Variants in SOX10 observed in about 807,000 individuals in gnomAD.
SOX10 encodes SRY-box transcription factor 10, also known as transcription factor SOX-10.
SOX10 carries 3 observed loss-of-function variants against 35.0 expected under a neutral mutation model. The observed-to-expected ratio is 0.09, with a 90% CI of 0.04 to 0.22. The LOEUF is 0.22. Ranked by LOEUF, SOX10 falls within the 10% of genes least tolerant of loss-of-function variation. The pLI, the probability that SOX10 is intolerant of heterozygous loss-of-function variation, is 1.00. For synonymous variants in SOX10, 285 were observed against 291.0 expected, an observed-to-expected ratio of 0.98 and a Z score of 0.21; for missense variants, 436 against 655.1, an observed-to-expected ratio of 0.67 and a Z score of 3.65.
intron 3 of SOX10, among the ~76,000 whole-genome samples, chr22:37,976,327 C>G (rs1358962175): frequency 6.6e-6 from 1 of 152,218 alleles, no homozygotes; most frequent in African/African-American, 2.4e-5. Context: ...TCCTGTGTAG[C>G]TGGGACTGCG....
intron 3 of SOX10, among the ~76,000 whole-genome samples, chr22:37,975,101 C>G (rs1298919776): frequency 2.6e-5 from 4 of 152,210 alleles, no homozygotes; most frequent in Non-Finnish European, 1.5e-5. Context: ...GAAAACTGGT[C>G]CTTGTTCCTT....
rs1156578585 is a variant in SOX10 at position 37,983,335 on chromosome 22, C to G, written c.428+22G>C. 25 of 1,595,802 alleles carry G rather than the reference C, an allele frequency of 1.6e-5. No homozygotes were observed. The highest frequency in any genetic ancestry group is 2.0e-5 in the Non-Finnish European group (23 of 1,172,930). ...CACCCGAAGCTAGAGGGCCCGAGCC[C>G]GGGGGGCGGTCGGGTGCTCACCTCC... On this transcript the variant is annotated intron_variant, in intron 2 of 3. Coordinates refer to ENST00000396884, the MANE Select transcript of SOX10 (RefSeq NM_006941.4). This position sits in a 1 kb window ranked among gnomAD's most constrained non-coding sequence, Gnocchi z 9.5.
chr22:37,973,315 C>T lies in SOX10; in HGVS notation c.*180G>A. On this transcript the variant is annotated 3_prime_UTR_variant, in exon 4 of 4. Coordinates refer to ENST00000396884, the MANE Select transcript of SOX10 (RefSeq NM_006941.4). The stretch of plus-strand genomic sequence containing the variant: ...TTCTCCTGGGGCTTTGCTGCTGGAG[C>T]CTGGATGGGGCGGGTGGGTCATCAG... 1.2e-5 allele frequency: 7 copies of T among 573,860 alleles called. No homozygotes were observed. The South Asian group carries it at 1.6e-4, about 14-fold the overall frequency. 35.5% of individuals were successfully genotyped at this position (573,860 alleles called of 1,614,324 possible). A position where few individuals can be genotyped will look rare whatever the true frequency, so the allele number is the denominator to read the frequency against.
In SOX10 at chr22:37,973,964, C is replaced by T. The variant is rs150327222; in HGVS notation, c.932G>A (p.Ser311Asn). Residue 311 changes from serine (S) to asparagine (N), a missense_variant, in exon 4 of 4, where the codon AGC becomes AAC. Around this residue, in one of 3 missense-constraint regions of SOX10, gnomAD observed 285 missense variants for 402.9 expected, o/e 0.71. Transcript: ENST00000396884. ...CCCATAGCCGGCTGCTGAGTAGCTGCTCACATGGCCTGGGTGCCCATTGGG... is the reference window on the plus strand; with the variant it reads ...CCCATAGCCGGCTGCTGAGTAGCTGTTCACATGGCCTGGGTGCCCATTGGG... ...LPPNGHPGHV[S>N]SYSAAGYGLG... 1.2e-5 allele frequency: 19 copies of T among 1,611,792 alleles called. No homozygotes were observed. The African/African-American group carries it at 2.1e-4, about 18-fold the overall frequency.
chr22:37,983,756 A>T lies in SOX10; in HGVS notation c.29T>A (p.Val10Glu). 6.7e-7 allele frequency: 1 copy of T among 1,484,048 alleles called. No individual in the cohort carries two copies. Among genetic ancestry groups the T allele is most frequent in the African/African-American group, 1.5e-5 (1 of 67,726 alleles). 91.9% of individuals were successfully genotyped at this position (1,484,048 alleles called of 1,614,324 possible). A position where few individuals can be genotyped will look rare whatever the true frequency, so the allele number is the denominator to read the frequency against. ...CTCCGAGCCCACGGGGCTCAGCTCC[A>T]CCTCCGATAGGTCCTGCTCCTCCGC... MAEEQDLSE[V>E]ELSPVGSEEP... Residue 10 changes from valine (V) to glutamate (E), a missense_variant, in exon 2 of 4, where the codon GTG becomes GAG. By Grantham distance (121) the Val-to-Glu change is moderately radical. Coordinates refer to ENST00000396884, the MANE Select transcript of SOX10 (RefSeq NM_006941.4). This position sits in a 1 kb window ranked among gnomAD's most constrained non-coding sequence, Gnocchi z 9.5.
At chr22:37,977,033 C>T (rs1202243269) in intron 3 of SOX10, among the ~76,000 whole-genome samples, 1 of 151,602 alleles carries the variant, frequency 6.6e-6, no homozygotes, top group Non-Finnish European at 1.5e-5. Context: ...CCAGACGTGG[C>T]GGTGTGCACC....
At position 37,977,936 on chromosome 22, in the gene SOX10, C is replaced by T. The variant is rs774135262; in HGVS notation, c.628G>A (p.Ala210Thr). The T allele has an allele frequency of 1.4e-5, 22 of 1,612,758 alleles. No homozygotes were observed. The highest frequency in any genetic ancestry group is 3.3e-5 in the South Asian group (3 of 91,060). ...TAAIQAHYKS[A>T]HLDHRHPGEG... ...CCTGGGTGCCGGTGGTCCAAGTGGGCGCTCTTGTAGTGGGCCTGGATGGCG... is the reference window on the plus strand; with the variant it reads ...CCTGGGTGCCGGTGGTCCAAGTGGGTGCTCTTGTAGTGGGCCTGGATGGCG... The change falls in exon 3 of 4, where the codon GCC becomes ACC. Residue 210 changes from alanine (A) to threonine (T), a missense_variant. Transcript: ENST00000396884.
In SOX10 at chr22:37,984,005, C is replaced by A. The variant is rs1365387685; in HGVS notation, c.-84-137G>T. The A allele has an allele frequency of 3.0e-6, 1 of 328,514 alleles. No individual in the cohort carries two copies. Among genetic ancestry groups the A allele is most frequent in the Non-Finnish European group, 5.5e-6 (1 of 180,848 alleles). The allele number at this position is 328,514 out of a possible 1,614,324, so 20.3% of individuals were successfully genotyped here. A position where few individuals can be genotyped will look rare whatever the true frequency, so the allele number is the denominator to read the frequency against. Reference sequence around the variant, plus strand: ...CCATCTGGCCCCTGGGGCCCACGCACATGCCAGACTCTAGGTGGGTGCGTC... The same window carrying A: ...CCATCTGGCCCCTGGGGCCCACGCAAATGCCAGACTCTAGGTGGGTGCGTC... On this transcript the variant is annotated intron_variant, in intron 1 of 3. Coordinates refer to ENST00000396884, the MANE Select transcript of SOX10 (RefSeq NM_006941.4). This position sits in a 1 kb window ranked among gnomAD's most constrained non-coding sequence, Gnocchi z 4.4.
chr22:37,983,276 G>T lies in SOX10; in HGVS notation c.428+81C>A. 1 of 1,474,464 alleles carries T rather than the reference G, an allele frequency of 6.8e-7. No individual in the cohort carries two copies. Among genetic ancestry groups the T allele is most frequent in the African/African-American group, 1.4e-5 (1 of 71,850 alleles). The allele number at this position is 1,474,464 out of a possible 1,614,324, so 91.3% of individuals were successfully genotyped here. A position where few individuals can be genotyped will look rare whatever the true frequency, so the allele number is the denominator to read the frequency against. Reference sequence around the variant, plus strand: ...CTGCCAGACAGTCCCGCTCTGAGGTGCAGGAGGCCGGGCCGCCTCGGCTAC... The same window carrying T: ...CTGCCAGACAGTCCCGCTCTGAGGTTCAGGAGGCCGGGCCGCCTCGGCTAC... On this transcript the variant is annotated intron_variant, in intron 2 of 3. Coordinates refer to ENST00000396884, the MANE Select transcript of SOX10 (RefSeq NM_006941.4). The surrounding 1 kb of genome is among the most constrained non-coding windows in gnomAD (Gnocchi z 9.5).
rs1025637733 is a variant in SOX10 at position 37,980,221 on chromosome 22, G to A, written c.429-2086C>T. 6.6e-6 allele frequency among the ~76,000 whole-genome samples: 1 copy of A among 152,130 alleles called. No homozygotes were observed. The highest frequency in any genetic ancestry group is 1.5e-5 in the Non-Finnish European group (1 of 68,020). On this transcript the variant is annotated intron_variant, in intron 2 of 3. Transcript: ENST00000396884. This position sits in a 1 kb window ranked among gnomAD's most constrained non-coding sequence, Gnocchi z 4.1. Reference sequence around the variant, plus strand: ...TCTGACGGCTGGGACCAGGGGAGGGGGTGGAGCAGGCCTTGAGGGTGTGAC... The same window carrying A: ...TCTGACGGCTGGGACCAGGGGAGGGAGTGGAGCAGGCCTTGAGGGTGTGAC...
Position 37,973,635 on chromosome 22 carries a change from G to A in SOX10, c.1261C>T (p.Leu421Phe). Residue 421 changes from leucine (L) to phenylalanine (F), a missense_variant, in exon 4 of 4, where the codon CTC becomes TTC. Around this residue, in one of 3 missense-constraint regions of SOX10, gnomAD observed 285 missense variants for 402.9 expected, o/e 0.71. Transcript: ENST00000396884. ...YYGHSGQASG[L>F]YSAFSYMGPS... ...CCCATATAGGAGAAGGCCGAGTAGA[G>A]GCCAGAGGCCTGGCCCGAGTGGCCA... 1 of 1,613,838 alleles carries A rather than the reference G, an allele frequency of 6.2e-7. No individual in the cohort carries two copies. The highest frequency in any genetic ancestry group is 2.2e-5 in the East Asian group (1 of 44,880).
rs906044123 is a variant in SOX10 at position 37,980,152 on chromosome 22, G to T, written c.429-2017C>A. 6.6e-6 allele frequency among the ~76,000 whole-genome samples: 1 copy of T among 152,112 alleles called. No homozygotes were observed. Among genetic ancestry groups the T allele is most frequent in the African/African-American group, 2.4e-5 (1 of 41,408 alleles). ...TGTACACACTTAGGACAAAGATGCC[G>T]GAGCAGGGCCTTGAGAGTCAGGGAG... On this transcript the variant is annotated intron_variant, in intron 2 of 3. Coordinates refer to ENST00000396884, the MANE Select transcript of SOX10 (RefSeq NM_006941.4). This position sits in a 1 kb window ranked among gnomAD's most constrained non-coding sequence, Gnocchi z 4.1.
intron 2 of SOX10, among the ~76,000 whole-genome samples, chr22:37,981,101 C>T (rs1482151771): frequency 6.6e-6 from 1 of 152,238 alleles, no homozygotes; most frequent in Non-Finnish European, 1.5e-5. Flanking sequence ...ACCTGGGCTC[C>T]AGTGTGTCTG....
rs917048053 is a variant in SOX10, at chr22:37,978,238, G to C, written c.429-103C>G. The C allele has an allele frequency of 7.6e-7, 1 of 1,310,164 alleles. No individual in the cohort carries two copies. Among genetic ancestry groups the C allele is most frequent in the African/African-American group, 1.5e-5 (1 of 67,276 alleles). 81.2% of individuals were successfully genotyped at this position (1,310,164 alleles called of 1,614,324 possible). A position where few individuals can be genotyped will look rare whatever the true frequency, so the allele number is the denominator to read the frequency against. ...TGAGTGTCCATCTTGGAAGATGTGA[G>C]GCCCTGGGATGGGGCACCCAGAGGA... On this transcript the variant is annotated intron_variant, in intron 2 of 3. Transcript: ENST00000396884. This position sits in a 1 kb window ranked among gnomAD's most constrained non-coding sequence, Gnocchi z 5.0.
chr22:37,974,347 G>T lies in SOX10; in HGVS notation c.698-149C>A. On this transcript the variant is annotated intron_variant, in intron 3 of 3. Coordinates refer to ENST00000396884, the MANE Select transcript of SOX10 (RefSeq NM_006941.4). The surrounding 1 kb of genome is among the most constrained non-coding windows in gnomAD (Gnocchi z 5.4). ...TTCACATTTTGGCAGCATGAGTCGG[G>T]TTTTTTTTTGTTTTTTTTTTTTGAG... 1 of 583,914 alleles carries T rather than the reference G, an allele frequency of 1.7e-6. No homozygotes were observed. The highest frequency in any genetic ancestry group is 3.0e-6 in the Non-Finnish European group (1 of 334,196). 36.2% of individuals were successfully genotyped at this position (583,914 alleles called of 1,614,324 possible).
rs561763213 is a variant in SOX10, at chr22:37,976,057, T to C, written c.697+1810A>G. 7.9e-5 allele frequency among the ~76,000 whole-genome samples: 12 copies of C among 152,190 alleles called. 1 individual carries two copies. The highest frequency in any genetic ancestry group is 2.9e-4 in the African/African-American group (12 of 41,522). On this transcript the variant is annotated intron_variant, in intron 3 of 3. Transcript: ENST00000396884. Reference sequence around the variant, plus strand: ...GGCCAACACGGTGAAAAACCATCTCTACTAAAAATACAATAATTAGCTGGG... The same window carrying C: ...GGCCAACACGGTGAAAAACCATCTCCACTAAAAATACAATAATTAGCTGGG...
At chr22:37,981,176 C>T (rs1006123882) in intron 2 of SOX10, among the ~76,000 whole-genome samples, 4 of 152,226 alleles carry the variant, frequency 2.6e-5, no homozygotes, top group Admixed American at 6.5e-5. Context: ...GGTTTTAAGA[C>T]ACCTGTTTTC....
chr22:37,977,572 G>A (rs985418326), intron 3 of SOX10, among the ~76,000 whole-genome samples: 2 of 151,858 alleles, frequency 1.3e-5, no homozygotes, highest in African/African-American at 2.4e-5. Context: ...TGCCCTCCTC[G>A]GCCTCCCAAA....
rs1342691559 is a variant in SOX10 at position 37,983,027 on chromosome 22, G to T, written c.428+330C>A. ...CACAGCAGCTGGTGGCATAGTGTGC[G>T]TATCTGTGGGCAGGAGTTAGTGAAG... On this transcript the variant is annotated intron_variant, in intron 2 of 3. Coordinates refer to ENST00000396884, the MANE Select transcript of SOX10 (RefSeq NM_006941.4). The surrounding 1 kb of genome is among the most constrained non-coding windows in gnomAD (Gnocchi z 9.5). Among the ~76,000 whole-genome samples the T allele has an allele frequency of 6.6e-6, 1 of 152,216 alleles. No individual in the cohort carries two copies. The highest frequency in any genetic ancestry group is 2.1e-4 in the South Asian group (1 of 4,828).
Sources: gnomAD v4.1 joint callset for allele counts (sites outside exome capture counted in the v4.1 genomes callset) on GRCh38, gnomAD v4.1.1 for gene constraint, gnomAD v4.1.1 regional missense constraint, Gnocchi (gnomAD v3.1) non-coding constraint, MANE v1.5 for transcripts, NCBI Gene and HGNC (gene_info 2026-07-23, HGNC 2026-07-21) for gene names.